MASP1: variants seen among roughly 807,000 people sequenced by gnomAD.
The protein encoded by MASP1 is mannan-binding lectin serine protease 1.
Under a neutral mutation model 77.1 loss-of-function variants are expected in MASP1, and 59 were observed. The ratio of observed to expected loss-of-function variants is 0.77; its 90% confidence interval spans 0.62 to 0.95. MASP1 has a LOEUF of 0.95. MASP1 is among the 40% of genes least tolerant of loss of function. The pLI is 0.00. For synonymous variants in MASP1, 362 were observed against 354.5 expected (o/e 1.02, Z -0.24); for missense variants, 885 against 912.9 (o/e 0.97, Z 0.39).
At chr3:187,265,854 T>C (rs1347870630) in intron 2 of MASP1, among the ~76,000 whole-genome samples, 2 of 152,328 alleles carry the variant, frequency 1.3e-5, no homozygotes, top group East Asian at 1.9e-4. Flanking sequence ...AAACCTTATC[T>C]TGGGTGCATG....
chr3:187,263,475 T>C (rs1715774275), intron 2 of MASP1, among the ~76,000 whole-genome samples: 1 of 152,052 alleles, frequency 6.6e-6, no homozygotes, highest in Non-Finnish European at 1.5e-5. Flanking sequence ...TCTGTGGGGA[T>C]TGTAGGAGGA....
chr3:187,234,728 C>A lies in MASP1; in HGVS notation c.*956G>T. The A allele has an allele frequency of 7.8e-7, 1 of 1,287,260 alleles. No homozygotes were observed. Among genetic ancestry groups the A allele is most frequent in the Non-Finnish European group, 1.0e-6 (1 of 988,700 alleles). The allele number at this position is 1,287,260 out of a possible 1,614,324, so 79.7% of individuals were successfully genotyped here. A position where few individuals can be genotyped will look rare whatever the true frequency, so the allele number is the denominator to read the frequency against. Reference sequence around the variant, plus strand: ...CCACCCCACTCTTTCTTCCATTTTCCTGCCCAAAAGCACAGCAGGACACAG... The same window carrying A: ...CCACCCCACTCTTTCTTCCATTTTCATGCCCAAAAGCACAGCAGGACACAG... On this transcript the variant is annotated 3_prime_UTR_variant, in exon 11 of 11. Transcript: ENST00000296280.
intron 8 of MASP1, among the ~76,000 whole-genome samples, chr3:187,245,220 CA>C (rs1442717816): frequency 6.6e-6 from 1 of 152,168 alleles, no homozygotes; most frequent in African/African-American, 2.4e-5. Flanking sequence ...ATACTATGAA[CA>C]GTTTTAAATT....
chr3:187,276,644 G>A (rs1360397663), intron 2 of MASP1: 1 of 152,166 alleles, frequency 6.6e-6, no homozygotes, highest in Non-Finnish European at 1.5e-5. Context: ...CCATCACCCT[G>A]AAGCCTGTGC....
chr3:187,223,168 C>T (rs766660747), exon 14 of MASP1: 1 of 1,614,148 alleles, frequency 6.2e-7, no homozygotes, highest in Non-Finnish European at 8.5e-7. Flanking sequence ...AACTGCTTCC[C>T]CCAGCCGCTG....
chr3:187,256,766 A>T lies in MASP1; in HGVS notation c.642T>A (p.Tyr214Ter), dbSNP rs747819933. Residue 214 changes from tyrosine to a stop codon, truncating the protein, a stop_gained, in exon 5 of 11, where the codon TAT becomes TAA. Coordinates refer to ENST00000296280, the MANE Select transcript of MASP1 (RefSeq NM_139125.4). LOFTEE classifies it high-confidence loss of function. ...TGAAACCCTCCTCCAGCTCGATGGT[A>T]TACAGGCATTCAGAGCTCTTGGGGT... ...NPYPKSSECL[Y>*]TIELEEGFMV... 11 of 1,613,844 alleles carry T rather than the reference A, an allele frequency of 6.8e-6. No homozygotes were observed. Among genetic ancestry groups the T allele is most frequent in the Non-Finnish European group, 8.5e-6 (10 of 1,180,010 alleles).
chr3:187,288,159 C>A (rs1178320380), intron 1 of MASP1, among the ~76,000 whole-genome samples: 1 of 151,948 alleles, frequency 6.6e-6, no homozygotes, highest in Non-Finnish European at 1.5e-5. Context: ...ATGTGAGATT[C>A]TATTAAGAAA....
chr3:187,217,958 A>G (rs1326388751), exon 16 of MASP1: 1 of 152,212 alleles, frequency 6.6e-6, no homozygotes, highest in Non-Finnish European at 1.5e-5. Flanking sequence ...ATCCCAGAAA[A>G]AGAGTCCACT....
intron 2 of MASP1, among the ~76,000 whole-genome samples, chr3:187,264,694 G>A (rs1005569549): frequency 1.3e-5 from 2 of 152,050 alleles, no homozygotes; most frequent in Non-Finnish European, 2.9e-5. Flanking sequence ...TTTATGTCAT[G>A]TTTTATTTCC....
At chr3:187,239,902 G>A (rs934499573) in intron 10 of MASP1, among the ~76,000 whole-genome samples, 8 of 152,148 alleles carry the variant, frequency 5.3e-5, no homozygotes, top group Middle Eastern at 3.4e-3. Flanking sequence ...CACCTGTGAT[G>A]GTCAAAACCT....
chr3:187,227,727 C>G (rs892981466), intron 11 of MASP1, among the ~76,000 whole-genome samples: 2 of 152,164 alleles, frequency 1.3e-5, no homozygotes, highest in African/African-American at 4.8e-5. Flanking sequence ...CCAGATTTTC[C>G]AGGTGGATCA....
chr3:187,223,006 C>T (rs1712158293), intron 14 of MASP1: 3 of 842,658 alleles, frequency 3.6e-6, no homozygotes, highest in East Asian at 2.5e-5. Context: ...GTCTGGGCTC[C>T]TAGTTTCCCA....
At chr3:187,238,757 G>A (rs1713380524) in intron 10 of MASP1, among the ~76,000 whole-genome samples, 1 of 152,100 alleles carries the variant, frequency 6.6e-6, no homozygotes, top group Admixed American at 6.5e-5. Flanking sequence ...GTAGCCTTGT[G>A]CAAATCACTA....
intron 1 of MASP1, among the ~76,000 whole-genome samples, chr3:187,288,259 A>G (rs933449918): frequency 2.6e-5 from 4 of 152,236 alleles, no homozygotes; most frequent in African/African-American, 7.2e-5. Context: ...AAGGGAAGGC[A>G]TATGTCCAAG....
chr3:187,228,842 G>A (rs1284767031), intron 11 of MASP1, among the ~76,000 whole-genome samples: 1 of 152,190 alleles, frequency 6.6e-6, no homozygotes, highest in Non-Finnish European at 1.5e-5. Flanking sequence ...ATTCCTTGCA[G>A]AGTAGGGATT....
chr3:187,223,007 T>C lies in MASP1; in HGVS notation c.1809+120A>G. 3 of 847,998 alleles carry C rather than the reference T, an allele frequency of 3.5e-6. No homozygotes were observed. The South Asian group carries it at 4.1e-5, about 12-fold the overall frequency. 52.5% of individuals were successfully genotyped at this position (847,998 alleles called of 1,614,324 possible). A position where few individuals can be genotyped will look rare whatever the true frequency, so the allele number is the denominator to read the frequency against. Reference sequence around the variant, plus strand: ...AACTTTGGAGGTGGGTCTGGGCTCCTAGTTTCCCACTCACCAACCCCCACC... The same window carrying C: ...AACTTTGGAGGTGGGTCTGGGCTCCCAGTTTCCCACTCACCAACCCCCACC... On this transcript the variant is annotated intron_variant, in intron 14 of 15. Coordinates refer to the MASP1 transcript ENST00000337774.
At chr3:187,274,566 C>T (rs565825674) in intron 2 of MASP1, among the ~76,000 whole-genome samples, 11 of 152,358 alleles carry the variant, frequency 7.2e-5, no homozygotes, top group East Asian at 3.9e-4. Context: ...TGTTCAAAGT[C>T]AGTCAATGGC....
Position 187,243,472 on chromosome 3 carries a change from T to C in MASP1, c.1228+12A>G, listed in dbSNP as rs776087620. 9 of 1,614,124 alleles carry C rather than the reference T, an allele frequency of 5.6e-6. No individual in the cohort carries two copies. The East Asian group carries it at 1.8e-4, about 32-fold the overall frequency. On this transcript the variant is annotated intron_variant, in intron 9 of 10. Transcript: ENST00000296280. ...GAAACGGGAGTGGGATGGCTTAGCA[T>C]GGATGGCTTACCTGTGTTATTGTTG...
chr3:187,236,408 G>C lies in MASP1; in HGVS notation c.1463C>G (p.Ser488Cys). ...AGCTGCTGTGAGGATCCAGGACGCA[G>C]AGAGCAGGGCCCCACTCCCAAACCA... ...DKWFGSGALL[S>C]ASWILTAAHV... The change falls in exon 11 of 11, where the codon TCT becomes TGT. Residue 488 changes from serine (S) to cysteine (C), a missense_variant. Ser to Cys is a moderately radical substitution (Grantham distance 112). Coordinates refer to ENST00000296280, the MANE Select transcript of MASP1 (RefSeq NM_139125.4). 6.2e-7 allele frequency: 1 copy of C among 1,614,244 alleles called. No individual in the cohort carries two copies. The highest frequency in any genetic ancestry group is 8.5e-7 in the Non-Finnish European group (1 of 1,180,042).
Sources: gnomAD v4.1 joint callset for allele counts (sites outside exome capture counted in the v4.1 genomes callset) on GRCh38, gnomAD v4.1.1 for gene constraint, MANE v1.5 for transcripts, NCBI Gene and HGNC (gene_info 2026-07-23, HGNC 2026-07-21) for gene names.